The following PTPRM variants were observed in gnomAD, a reference collection of about 807,000 sequenced individuals.
The protein encoded by PTPRM is receptor-type tyrosine-protein phosphatase mu.
PTPRM carries 47 observed loss-of-function variants against 186.7 expected under a neutral mutation model. The ratio of observed to expected loss-of-function variants is 0.25; its 90% confidence interval spans 0.20 to 0.32. The LOEUF (loss-of-function observed/expected upper bound fraction) is 0.32, where lower values mean the gene tolerates loss of function less well. Ranked by LOEUF, PTPRM falls within the 10% of genes least tolerant of loss-of-function variation. The pLI is 1.00. For missense variants in PTPRM, 1,494 were observed against 1,865.0 expected, an observed-to-expected ratio of 0.80 and a Z score of 3.66; for synonymous variants, 668 against 674.9, an observed-to-expected ratio of 0.99 and a Z score of 0.16.
chr18:7,774,767 T>C (rs1282579012), intron 2 of PTPRM, among the ~76,000 whole-genome samples: 1 of 152,216 alleles, frequency 6.6e-6, no homozygotes, highest in African/African-American at 2.4e-5. Flanking sequence ...TTTTTTCCAC[T>C]GAAGAAATGT....
intron 4 of PTPRM, among the ~76,000 whole-genome samples, chr18:7,918,199 T>C (rs1439803816): frequency 6.6e-6 from 1 of 152,156 alleles, no homozygotes; most frequent in Non-Finnish European, 1.5e-5. Flanking sequence ...GCAATAAACA[T>C]AGGAGTGCAG....
chr18:7,876,380 A>G (rs936028044), intron 2 of PTPRM, among the ~76,000 whole-genome samples: 11 of 152,224 alleles, frequency 7.2e-5, no homozygotes, highest in Non-Finnish European at 1.2e-4. Context: ...AAAAAAAAAC[A>G]TTTAAAACTT....
At chr18:8,044,892 C>T (rs1194928404) in intron 7 of PTPRM, among the ~76,000 whole-genome samples, 1 of 152,050 alleles carries the variant, frequency 6.6e-6, no homozygotes, top group African/African-American at 2.4e-5. Context: ...TTGAATCCCT[C>T]GTATATTGCT....
At chr18:8,227,137 T>C (rs1333527740) in intron 14 of PTPRM, among the ~76,000 whole-genome samples, 2 of 152,234 alleles carry the variant, frequency 1.3e-5, no homozygotes, top group Admixed American at 6.5e-5. Flanking sequence ...GCGACTTTTG[T>C]CGTTACTTTT....
intron 14 of PTPRM, among the ~76,000 whole-genome samples, chr18:8,163,213 A>G (rs996123780): frequency 6.6e-6 from 1 of 152,194 alleles, no homozygotes; most frequent in African/African-American, 2.4e-5. Context: ...TTGAATCTCC[A>G]AACAACTTCC....
At chr18:7,884,495 C>A (rs757450310) in intron 2 of PTPRM, among the ~76,000 whole-genome samples, 8 of 152,094 alleles carry the variant, frequency 5.3e-5, no homozygotes, top group Non-Finnish European at 1.2e-4. Flanking sequence ...TGGGGGCAGT[C>A]CAGACAGAAT....
intron 11 of PTPRM, among the ~76,000 whole-genome samples, chr18:8,102,258 T>G (rs547971174): frequency 6.6e-6 from 1 of 152,234 alleles, no homozygotes; most frequent in Non-Finnish European, 1.5e-5. Flanking sequence ...TTTGGGTGAC[T>G]GTGGCAATTT....
intron 1 of PTPRM, among the ~76,000 whole-genome samples, chr18:7,723,978 C>T (rs2144880532): frequency 6.6e-6 from 1 of 152,196 alleles, no homozygotes. Flanking sequence ...GGCCCTGCTC[C>T]CAACACCCTC....
At chr18:8,290,805 G>A (rs1300771181) in intron 19 of PTPRM, among the ~76,000 whole-genome samples, 1 of 152,110 alleles carries the variant, frequency 6.6e-6, no homozygotes, top group Non-Finnish European at 1.5e-5. Flanking sequence ...ATTTTAAGTA[G>A]AATAAAAGCA....
intron 14 of PTPRM, among the ~76,000 whole-genome samples, chr18:8,182,127 G>A (rs191122790): frequency 2.4e-4 from 36 of 152,254 alleles, no homozygotes; most frequent in African/African-American, 6.7e-4. Context: ...GAGAAGCAGC[G>A]TGTGAATATG....
chr18:7,753,649 G>A (rs2041331763), intron 1 of PTPRM, among the ~76,000 whole-genome samples: 1 of 152,056 alleles, frequency 6.6e-6, no homozygotes, highest in Admixed American at 6.5e-5. Context: ...ATATAAATAG[G>A]TTTAAATCAA....
intron 14 of PTPRM, among the ~76,000 whole-genome samples, chr18:8,206,761 T>C (rs984172494): frequency 3.3e-5 from 5 of 152,172 alleles, no homozygotes; most frequent in African/African-American, 9.7e-5. Context: ...TCACATCATA[T>C]TGACAACTTT....
intron 21 of PTPRM, among the ~76,000 whole-genome samples, chr18:8,317,335 G>A (rs1196250772): frequency 6.6e-6 from 1 of 152,062 alleles, no homozygotes; most frequent in African/African-American, 2.4e-5. Flanking sequence ...GATGGTGTGT[G>A]GAACAGATTC....
chr18:7,941,733 G>A (rs984916977), intron 5 of PTPRM, among the ~76,000 whole-genome samples: 9 of 152,266 alleles, frequency 5.9e-5, no homozygotes, highest in Middle Eastern at 3.4e-3. Context: ...GACTCTGGTC[G>A]CTTGCATGTT....
At chr18:8,252,147 A>G (rs986760361) in intron 17 of PTPRM, among the ~76,000 whole-genome samples, 3 of 152,252 alleles carry the variant, frequency 2.0e-5, no homozygotes, top group South Asian at 2.1e-4. Context: ...CATTAATTTT[A>G]TAGTACAATT....
chr18:8,270,487 A>G (rs1423436495), intron 19 of PTPRM: 3 of 152,130 alleles, frequency 2.0e-5, no homozygotes, highest in African/African-American at 7.2e-5. Flanking sequence ...TACCACCATT[A>G]TGGAAAACAG....
chr18:8,255,193 T>A (rs2094563494), intron 19 of PTPRM, among the ~76,000 whole-genome samples: 1 of 152,214 alleles, frequency 6.6e-6, no homozygotes, highest in Non-Finnish European at 1.5e-5. Context: ...AATATAAGCC[T>A]AATGAATAGG....
chr18:8,143,598 A>G, intron 13 of PTPRM, 49 bp from the exon 14 acceptor site: 2 of 1,536,634 alleles, frequency 1.3e-6, no homozygotes, highest in African/African-American at 2.7e-5. Flanking sequence ...TGGCATCTTT[A>G]TTCTCTCTTA....
chr18:8,215,161 G>A (rs1293592814), intron 14 of PTPRM, among the ~76,000 whole-genome samples: 1 of 152,190 alleles, frequency 6.6e-6, no homozygotes, highest in Non-Finnish European at 1.5e-5. Context: ...GGAAGCAATA[G>A]CAATAGGTGA....
Sources: gnomAD v4.1 joint callset for allele counts (sites outside exome capture counted in the v4.1 genomes callset) on GRCh38, gnomAD v4.1.1 for gene constraint, MANE v1.5 for transcripts, NCBI Gene and HGNC (gene_info 2026-07-23, HGNC 2026-07-21) for gene names.